RASAL2: variants seen among roughly 807,000 people sequenced by gnomAD.
RASAL2 encodes the protein RAS protein activator like 2, also known as ras GTPase-activating protein nGAP.
Under a neutral mutation model 128.9 loss-of-function variants are expected in RASAL2, and 58 were observed. That is an observed-to-expected ratio of 0.45 (90% CI 0.36 to 0.56). The LOEUF (loss-of-function observed/expected upper bound fraction) is 0.56, where lower values mean the gene tolerates loss of function less well. Ranked by LOEUF, RASAL2 falls within the 20% of genes least tolerant of loss-of-function variation. The pLI, the probability that RASAL2 is intolerant of heterozygous loss-of-function variation, is 0.00. For missense variants in RASAL2, 1,360 were observed against 1,601.6 expected (o/e 0.85, Z 2.57); for synonymous variants, 561 against 580.8 (o/e 0.97, Z 0.49).
chr1:178,239,881 C>G (rs1664417330), intron 1 of RASAL2, among the ~76,000 whole-genome samples: 1 of 151,646 alleles, frequency 6.6e-6, no homozygotes, highest in Non-Finnish European at 1.5e-5. Context: ...GGTGTTCTGC[C>G]CCTGAAATAA....
At chr1:178,313,993 T>G (rs1213879513) in intron 3 of RASAL2, among the ~76,000 whole-genome samples, 1 of 152,192 alleles carries the variant, frequency 6.6e-6, no homozygotes, top group Non-Finnish European at 1.5e-5. Flanking sequence ...CTTCTCTTTG[T>G]CTCTTTGTTA....
intron 10 of RASAL2, 48 bp from the exon 11 acceptor site, chr1:178,452,368 A>G: frequency 6.7e-7 from 1 of 1,497,258 alleles, no homozygotes; most frequent in Non-Finnish European, 9.3e-7. Flanking sequence ...TTGTGCTTGT[A>G]CTGGTACTTC....
At chr1:178,122,702 G>A (rs1659759337) in intron 1 of RASAL2, among the ~76,000 whole-genome samples, 1 of 151,948 alleles carries the variant, frequency 6.6e-6, no homozygotes, top group Non-Finnish European at 1.5e-5. Flanking sequence ...TGTTTTTTTT[G>A]AATGTCTTGT....
chr1:178,168,294 A>C (rs1431170171), intron 1 of RASAL2, among the ~76,000 whole-genome samples: 2 of 151,736 alleles, frequency 1.3e-5, no homozygotes, highest in Non-Finnish European at 2.9e-5. Flanking sequence ...AAAACTGTAG[A>C]CCAGAAAATA....
Position 178,475,178 on chromosome 1 carries a change from C to T in RASAL2, c.*1939C>T, listed in dbSNP as rs1648585408. 1 of 152,200 alleles carries T rather than the reference C, an allele frequency of 6.6e-6. No homozygotes were observed. The allele number at this position is 152,200 out of a possible 1,614,324, so 9.4% of individuals were successfully genotyped here. ...CCTTTTAAAACAGTTTCTTTCATAGCAATCCCTGTTTCTGCCAGACAGATC... is the reference window on the plus strand; with the variant it reads ...CCTTTTAAAACAGTTTCTTTCATAGTAATCCCTGTTTCTGCCAGACAGATC... On this transcript the variant is annotated 3_prime_UTR_variant, in exon 18 of 18. Coordinates refer to ENST00000367649, the MANE Select transcript of RASAL2 (RefSeq NM_170692.4).
chr1:178,318,758 C>A (rs1325311879), intron 3 of RASAL2, among the ~76,000 whole-genome samples: 2 of 152,072 alleles, frequency 1.3e-5, no homozygotes, highest in Non-Finnish European at 2.9e-5. Flanking sequence ...ATTTGCCAGT[C>A]TGTGTCTTTT....
At chr1:178,228,842 A>G (rs953508401) in intron 1 of RASAL2, among the ~76,000 whole-genome samples, 2 of 152,210 alleles carry the variant, frequency 1.3e-5, no homozygotes, top group African/African-American at 2.4e-5. Flanking sequence ...CATAAAATCT[A>G]TGAAGCAAGA....
intron 5 of RASAL2, among the ~76,000 whole-genome samples, chr1:178,423,549 T>C (rs1225840921): frequency 6.6e-6 from 1 of 152,130 alleles, no homozygotes. Flanking sequence ...TCACTGTCAT[T>C]ACTCCTATTT....
At chr1:178,404,225 C>CA (rs547639078) in intron 4 of RASAL2, among the ~76,000 whole-genome samples, 2,022 of 56,668 alleles carry the variant, frequency 0.036, 35 homozygotes, top group African/African-American at 0.078. Flanking sequence ...GACCCCGTCT[C>CA]AAAAAAAAAA....
chr1:178,266,483 C>A (rs955540398), intron 1 of RASAL2, among the ~76,000 whole-genome samples: 5 of 152,160 alleles, frequency 3.3e-5, no homozygotes, highest in African/African-American at 9.7e-5. Flanking sequence ...CAGCCTTATT[C>A]ATTTTGATAC....
At chr1:178,408,612 G>GTTTTTTTTTTTTTT (rs756656921) in intron 4 of RASAL2, among the ~76,000 whole-genome samples, 48 of 142,390 alleles carry the variant, frequency 3.4e-4, no homozygotes, top group Middle Eastern at 3.7e-3. Context: ...GTTTTTTTTT[G>GTTTTTTTTTTTTTT]TTTTTTGTTT....
chr1:178,149,203 CTT>C (rs1197530667), intron 1 of RASAL2, among the ~76,000 whole-genome samples: 1 of 152,080 alleles, frequency 6.6e-6, no homozygotes, highest in Non-Finnish European at 1.5e-5. Flanking sequence ...AGATTCTAAA[CTT>C]ACAGATAATA....
At chr1:178,430,530 T>A (rs909838459) in intron 5 of RASAL2, among the ~76,000 whole-genome samples, 3 of 152,132 alleles carry the variant, frequency 2.0e-5, no homozygotes, top group African/African-American at 7.2e-5. Context: ...AATGAACTAA[T>A]GCATGTCATA....
intron 1 of RASAL2, among the ~76,000 whole-genome samples, chr1:178,135,909 A>G (rs1051375232): frequency 3.3e-5 from 5 of 152,192 alleles, no homozygotes; most frequent in African/African-American, 1.2e-4. Context: ...GTATGGGGAA[A>G]CTGCCCCCAT....
At chr1:178,228,249 A>G (rs1663864014) in intron 1 of RASAL2, among the ~76,000 whole-genome samples, 1 of 152,018 alleles carries the variant, frequency 6.6e-6, no homozygotes, top group Non-Finnish European at 1.5e-5. Context: ...AATATTTTCC[A>G]TCTCCATATT....
intron 3 of RASAL2, among the ~76,000 whole-genome samples, chr1:178,368,543 G>A (rs988649031): frequency 6.6e-6 from 1 of 151,978 alleles, no homozygotes; most frequent in Non-Finnish European, 1.5e-5. Context: ...TAATTAGTAA[G>A]TACTTACTAC....
chr1:178,382,209 T>C (rs536837930), intron 3 of RASAL2, among the ~76,000 whole-genome samples: 43 of 152,314 alleles, frequency 2.8e-4, no homozygotes, highest in African/African-American at 9.9e-4. Flanking sequence ...GTATTAGATA[T>C]TCTTTATAAG....
intron 7 of RASAL2, among the ~76,000 whole-genome samples, chr1:178,442,303 C>T (rs1676709407): frequency 1.3e-5 from 2 of 152,090 alleles, no homozygotes; most frequent in Non-Finnish European, 2.9e-5. Context: ...GTGAATTGGC[C>T]ATGTCAGAAG....
chr1:178,118,827 C>G (rs1415063719), intron 1 of RASAL2, among the ~76,000 whole-genome samples: 1 of 151,368 alleles, frequency 6.6e-6, no homozygotes, highest in Non-Finnish European at 1.5e-5. Flanking sequence ...GTTTGTTGAG[C>G]AGGTTGAATA....
Sources: allele counts gnomAD v4.1 joint callset (sites outside exome capture counted in the v4.1 genomes callset), GRCh38; gene constraint gnomAD v4.1.1; transcripts MANE v1.5; gene names NCBI Gene and HGNC (gene_info 2026-07-23, HGNC 2026-07-21).